The following PCDH9 variants were observed in gnomAD, a reference collection of about 807,000 sequenced individuals.
The protein encoded by PCDH9 is protocadherin-9.
PCDH9 carries 24 observed loss-of-function variants against 70.6 expected under a neutral mutation model. The ratio of observed to expected loss-of-function variants is 0.34; its 90% CI spans 0.25 to 0.48. The LOEUF (loss-of-function observed/expected upper bound fraction) is 0.48, where lower values mean the gene tolerates loss of function less well. Ranked by LOEUF, PCDH9 falls within the 20% of genes least tolerant of loss-of-function variation. PCDH9 has a pLI of 0.99. For synonymous variants in PCDH9, 562 were observed against 558.5 expected (o/e 1.01, Z -0.09); for missense variants, 1,281 against 1,503.6 (o/e 0.85, Z 2.45).
At chr13:66,831,104 C>T (rs907924149) in intron 3 of PCDH9, among the ~76,000 whole-genome samples, 6 of 152,124 alleles carry the variant, frequency 3.9e-5, no homozygotes. Context: ...GAGAATCAGG[C>T]TCTCCATGGA....
intron 3 of PCDH9, among the ~76,000 whole-genome samples, chr13:66,807,964 G>C (rs1333892495): frequency 6.6e-6 from 1 of 152,162 alleles, no homozygotes; most frequent in East Asian, 1.9e-4. Context: ...GGGTGGTTGA[G>C]TGTTATGGGG....
At chr13:66,505,267 G>A (rs1475377927) in intron 4 of PCDH9, among the ~76,000 whole-genome samples, 1 of 152,140 alleles carries the variant, frequency 6.6e-6, no homozygotes, top group Non-Finnish European at 1.5e-5. Flanking sequence ...TATAAAAAAG[G>A]TTTAAGTGAC....
intron 2 of PCDH9, among the ~76,000 whole-genome samples, chr13:67,028,168 C>A (rs1022563021): frequency 6.8e-6 from 1 of 147,786 alleles, no homozygotes; most frequent in Non-Finnish European, 1.5e-5. Flanking sequence ...TGGAAACAAC[C>A]CAAATGTCCA....
intron 2 of PCDH9, among the ~76,000 whole-genome samples, chr13:67,106,048 T>C (rs935390771): frequency 5.3e-5 from 8 of 152,078 alleles, no homozygotes; most frequent in Non-Finnish European, 1.0e-4. Flanking sequence ...TACCATTGAA[T>C]AGGTCATCCA....
At position 66,319,557 on chromosome 13, in the gene PCDH9, C is replaced by G. The variant is rs572765924; in HGVS notation, c.3341-14529G>C. Among the ~76,000 whole-genome samples the G allele has an allele frequency of 4.0e-5, 6 of 151,750 alleles. 1 individual carries two copies. Among genetic ancestry groups the G allele is most frequent in the African/African-American group, 1.2e-4 (5 of 41,158 alleles). On this transcript the variant is annotated intron_variant, in intron 4 of 4. Transcript: ENST00000377865. ...AATCGAAAAGAGTTTAATGAAGGAGCTTTTGTGGCATGTGGGATGGTGAAA... is the reference window on the plus strand; with the variant it reads ...AATCGAAAAGAGTTTAATGAAGGAGGTTTTGTGGCATGTGGGATGGTGAAA...
At chr13:66,731,548 C>T (rs2062826377) in intron 3 of PCDH9, among the ~76,000 whole-genome samples, 1 of 152,022 alleles carries the variant, frequency 6.6e-6, no homozygotes, top group African/African-American at 2.4e-5. Flanking sequence ...ATTAAGTTTA[C>T]AAATATGTTT....
intron 3 of PCDH9, among the ~76,000 whole-genome samples, chr13:66,812,162 T>G (rs2080521072): frequency 6.6e-6 from 1 of 152,136 alleles, no homozygotes; most frequent in Non-Finnish European, 1.5e-5. Context: ...TTTCAATATT[T>G]TCTTACGTGC....
At chr13:66,794,138 G>GT (rs953894987) in intron 3 of PCDH9, among the ~76,000 whole-genome samples, 26 of 152,094 alleles carry the variant, frequency 1.7e-4, no homozygotes, top group African/African-American at 5.5e-4. Flanking sequence ...AAGAAAGATA[G>GT]TTTTTTTCAC....
chr13:66,377,038 C>T (rs991665974), intron 4 of PCDH9, among the ~76,000 whole-genome samples: 1 of 152,122 alleles, frequency 6.6e-6, no homozygotes, highest in Admixed American at 6.6e-5. Context: ...AGATGCCCTG[C>T]ACAGAATGTA....
intron 2 of PCDH9, among the ~76,000 whole-genome samples, chr13:67,144,821 T>C (rs1379145724): frequency 6.6e-6 from 1 of 152,140 alleles, no homozygotes; most frequent in Non-Finnish European, 1.5e-5. Context: ...AAGTACTTTC[T>C]TCATACAAAA....
chr13:67,144,722 C>T (rs1220296202), intron 2 of PCDH9, among the ~76,000 whole-genome samples: 5 of 152,020 alleles, frequency 3.3e-5, no homozygotes, highest in African/African-American at 4.8e-5. Flanking sequence ...TTCCACTTAA[C>T]GTTTTAAAGC....
chr13:67,164,077 C>T (rs1338841713), intron 2 of PCDH9, among the ~76,000 whole-genome samples: 1 of 152,158 alleles, frequency 6.6e-6, no homozygotes, highest in Non-Finnish European at 1.5e-5. Context: ...TTGACATCTT[C>T]TAGTTATTAC....
At chr13:66,365,573 A>G (rs555837846) in intron 4 of PCDH9, among the ~76,000 whole-genome samples, 3 of 152,336 alleles carry the variant, frequency 2.0e-5, no homozygotes, top group African/African-American at 4.8e-5. Flanking sequence ...ATAATCAGGT[A>G]TATTTATTTT....
intron 4 of PCDH9, among the ~76,000 whole-genome samples, chr13:66,306,760 C>G (rs1955473836): frequency 1.3e-5 from 2 of 151,884 alleles, no homozygotes; most frequent in Admixed American, 1.3e-4. Context: ...AACTTTTCCT[C>G]TCACATACCT....
chr13:66,387,793 T>G (rs937495961), intron 4 of PCDH9, among the ~76,000 whole-genome samples: 1 of 152,240 alleles, frequency 6.6e-6, no homozygotes, highest in African/African-American at 2.4e-5. Context: ...CAAAAACATT[T>G]TTACTGCAGT....
chr13:67,106,494 G>A (rs979259077), intron 2 of PCDH9, among the ~76,000 whole-genome samples: 2 of 152,214 alleles, frequency 1.3e-5, no homozygotes, highest in African/African-American at 4.8e-5. Flanking sequence ...CATATTTCAT[G>A]GTGAAACTTA....
intron 3 of PCDH9, among the ~76,000 whole-genome samples, chr13:66,820,286 T>C (rs2139379268): frequency 6.6e-6 from 1 of 152,332 alleles, no homozygotes; most frequent in East Asian, 1.9e-4. Flanking sequence ...TTGGTTTAAC[T>C]TATTATTTCT....
chr13:67,148,916 T>C (rs1594578020), intron 2 of PCDH9, among the ~76,000 whole-genome samples: 5 of 152,240 alleles, frequency 3.3e-5, no homozygotes, highest in Admixed American at 3.3e-4. Flanking sequence ...AAAACTATTA[T>C]ATGATTTTGC....
In PCDH9 at chr13:67,064,486, A is replaced by T. The variant is rs768329775; in HGVS notation, c.3037-160881T>A. ...AATAACTATTTTTAAAAACCTAACA[A>T]TCAGTTAGTGCTTTTATCATATCAA... is the stretch of plus-strand genomic sequence containing the variant. On this transcript the variant is annotated intron_variant, in intron 2 of 4. Coordinates refer to ENST00000377865, the MANE Select transcript of PCDH9 (RefSeq NM_203487.3). 3.0e-4 allele frequency among the ~76,000 whole-genome samples: 46 copies of T among 152,156 alleles called. 2 individuals are homozygous for T. Among genetic ancestry groups the T allele is most frequent in the Non-Finnish European group, 8.8e-5 (6 of 68,024 alleles).
Sources: gnomAD v4.1 joint callset for allele counts (sites outside exome capture counted in the v4.1 genomes callset) on GRCh38, gnomAD v4.1.1 for gene constraint, MANE v1.5 for transcripts, NCBI Gene and HGNC (gene_info 2026-07-23, HGNC 2026-07-21) for gene names.